BTBD9: variants seen among roughly 807,000 people sequenced by gnomAD.
BTBD9 encodes BTB/POZ domain-containing protein 9.
BTBD9 carries 49 observed loss-of-function variants against 64.3 expected under a neutral mutation model. The ratio of observed to expected loss-of-function variants is 0.76; its 90% CI spans 0.61 to 0.97. The LOEUF (loss-of-function observed/expected upper bound fraction) is 0.97, where lower values mean the gene tolerates loss of function less well. Ranked by LOEUF, BTBD9 falls within the 50% of genes least tolerant of loss-of-function variation. The pLI, the probability that BTBD9 is intolerant of heterozygous loss-of-function variation, is 0.00. For missense variants in BTBD9, 598 were observed against 762.1 expected (o/e 0.78, Z 2.53); for synonymous variants, 260 against 274.7 (o/e 0.95, Z 0.53).
chr6:38,474,298 G>A (rs1328231807), intron 6 of BTBD9, among the ~76,000 whole-genome samples: 9 of 152,086 alleles, frequency 5.9e-5, no homozygotes, highest in South Asian at 4.2e-4. Flanking sequence ...TGACGTGGGC[G>A]GATCAACCGA....
At chr6:38,239,438 C>CA (rs750690746) in intron 9 of BTBD9, among the ~76,000 whole-genome samples, 1,796 of 58,566 alleles carry the variant, frequency 0.031, 56 homozygotes, top group African/African-American at 0.079. Flanking sequence ...GACTCTGTCT[C>CA]AAAAAAAAAA....
At chr6:38,325,667 A>G (rs1159508549) in intron 7 of BTBD9, among the ~76,000 whole-genome samples, 1 of 152,266 alleles carries the variant, frequency 6.6e-6, no homozygotes, top group African/African-American at 2.4e-5. Flanking sequence ...CCTGGGCAAC[A>G]GAGCAAGACT....
intron 6 of BTBD9, among the ~76,000 whole-genome samples, chr6:38,347,557 T>C (rs968335209): frequency 3.9e-5 from 6 of 152,186 alleles, no homozygotes; most frequent in African/African-American, 1.4e-4. Flanking sequence ...AAATGTGACA[T>C]CAAAAGAAAG....
At chr6:38,566,899 T>C (rs1775545943) in intron 6 of BTBD9, among the ~76,000 whole-genome samples, 2 of 152,222 alleles carry the variant, frequency 1.3e-5, no homozygotes, top group South Asian at 2.1e-4. Context: ...CAGATGGTAG[T>C]CACTGATCAA....
chr6:38,252,906 A>C (rs1202773442), intron 9 of BTBD9, among the ~76,000 whole-genome samples: 2 of 152,222 alleles, frequency 1.3e-5, no homozygotes, highest in East Asian at 1.9e-4. Flanking sequence ...CAGGAGTTCA[A>C]GACTGGCCTG....
At chr6:38,331,272 G>A (rs764834562) in intron 7 of BTBD9, among the ~76,000 whole-genome samples, 10 of 152,154 alleles carry the variant, frequency 6.6e-5, no homozygotes, top group Non-Finnish European at 1.3e-4. Context: ...TTGAGGCCAG[G>A]TGTTTGAGAC....
chr6:38,239,515 T>C (rs749889207), intron 9 of BTBD9, among the ~76,000 whole-genome samples: 51 of 151,048 alleles, frequency 3.4e-4, no homozygotes, highest in Non-Finnish European at 6.5e-4. Context: ...GGCAGTTTTA[T>C]CACCCAAGCT....
In BTBD9 at chr6:38,432,505, A is replaced by T. The variant is rs887753699; in HGVS notation, c.1155-87412T>A. 1.3e-5 allele frequency among the ~76,000 whole-genome samples: 2 copies of T among 152,122 alleles called. 1 individual carries two copies. The highest frequency in any genetic ancestry group is 4.8e-5 in the African/African-American group (2 of 41,374). ...TGGGAGGGTCCTGAATTCTGCTAAAATGTAGGCATAGTTTCCATAATCCCC... is the reference window on the plus strand; with the variant it reads ...TGGGAGGGTCCTGAATTCTGCTAAATTGTAGGCATAGTTTCCATAATCCCC... On this transcript the variant is annotated intron_variant, in intron 6 of 10. Coordinates refer to ENST00000481247, the MANE Select transcript of BTBD9 (RefSeq NM_001099272.2).
At position 38,424,214 on chromosome 6, in the gene BTBD9, TAA is replaced by T. The variant is rs1258929263; in HGVS notation, c.1155-79123_1155-79122del. Among the ~76,000 whole-genome samples, 4 of 152,004 alleles carry T rather than the reference TAA, an allele frequency of 2.6e-5. No individual in the cohort carries two copies. In the East Asian group the frequency reaches 7.7e-4, roughly 29 times the overall value. ...TAGGCTTTTACTTCTCATTGCAGAA[TAA>T]AAGTCTCTGGTTCCTTTAAAGAAAC... On this transcript the variant is annotated intron_variant, in intron 6 of 10. Coordinates refer to ENST00000481247, the MANE Select transcript of BTBD9 (RefSeq NM_001099272.2).
At chr6:38,313,320 C>T (rs2127571954) in intron 7 of BTBD9, among the ~76,000 whole-genome samples, 1 of 152,240 alleles carries the variant, frequency 6.6e-6, no homozygotes, top group East Asian at 1.9e-4. Flanking sequence ...ATCATATCTT[C>T]AAACAAGGGT....
rs565160027 is a variant in BTBD9 at position 38,633,703 on chromosome 6, T to C, written c.-28+6097A>G. Among the ~76,000 whole-genome samples the C allele has an allele frequency of 3.3e-5, 5 of 152,352 alleles. No homozygotes were observed. The South Asian group carries it at 8.3e-4, about 25-fold the overall frequency. On this transcript the variant is annotated intron_variant, in intron 1 of 10. Coordinates refer to ENST00000481247, the MANE Select transcript of BTBD9 (RefSeq NM_001099272.2). ...GCTTAAGAAGCCAGAGTACCTAGTC[T>C]GTAATCAATATTTATACAGTACTTA... is the stretch of plus-strand genomic sequence containing the variant.
At chr6:38,236,150 C>T (rs138036570) in intron 9 of BTBD9, among the ~76,000 whole-genome samples, 6 of 152,274 alleles carry the variant, frequency 3.9e-5, no homozygotes, top group African/African-American at 1.4e-4. Flanking sequence ...AAAACAGCAA[C>T]AGCTTTGACA....
At chr6:38,391,649 T>TA (rs1189582738) in intron 6 of BTBD9, among the ~76,000 whole-genome samples, 5 of 143,162 alleles carry the variant, frequency 3.5e-5, no homozygotes, top group Non-Finnish European at 7.5e-5. Flanking sequence ...TTTTTTTTTT[T>TA]ATAGCCATTC....
chr6:38,493,323 C>T (rs1771786719), intron 6 of BTBD9, among the ~76,000 whole-genome samples: 1 of 152,190 alleles, frequency 6.6e-6, no homozygotes, highest in African/African-American at 2.4e-5. Flanking sequence ...CAAGACCAGA[C>T]TAAGACTTTG....
chr6:38,629,548 G>C (rs778467304), intron 1 of BTBD9, among the ~76,000 whole-genome samples: 2 of 152,234 alleles, frequency 1.3e-5, no homozygotes, highest in Non-Finnish European at 2.9e-5. Flanking sequence ...AATAGGCCGG[G>C]CACGGTGGCT....
intron 7 of BTBD9, among the ~76,000 whole-genome samples, chr6:38,299,057 C>T (rs1326823144): frequency 6.6e-6 from 1 of 152,080 alleles, no homozygotes; most frequent in Non-Finnish European, 1.5e-5. Flanking sequence ...CTTCCTGTGT[C>T]CATGTGTTCT....
chr6:38,343,506 CCTAA>C (rs1328821640), intron 7 of BTBD9, among the ~76,000 whole-genome samples: 1 of 152,044 alleles, frequency 6.6e-6, no homozygotes. Context: ...TGAGGGCTCT[CCTAA>C]CTACACAGTC....
chr6:38,220,204 C>G (rs1050302993), intron 9 of BTBD9, among the ~76,000 whole-genome samples: 2 of 152,176 alleles, frequency 1.3e-5, no homozygotes, highest in African/African-American at 4.8e-5. Context: ...CAGGGCACGG[C>G]CCCACCTTCC....
chr6:38,343,278 C>A (rs76389926), intron 7 of BTBD9, among the ~76,000 whole-genome samples: 1 of 152,124 alleles, frequency 6.6e-6, no homozygotes, highest in Non-Finnish European at 1.5e-5. Flanking sequence ...ACAACAGCAC[C>A]CCTCATTACA....
Sources: gnomAD v4.1 joint callset for allele counts (sites outside exome capture counted in the v4.1 genomes callset) on GRCh38, gnomAD v4.1.1 for gene constraint, MANE v1.5 for transcripts, NCBI Gene and HGNC (gene_info 2026-07-23, HGNC 2026-07-21) for gene names.